FBXL12: variants seen among roughly 807,000 people sequenced by gnomAD.
FBXL12 encodes F-box and leucine rich repeat protein 12, also known as F-box/LRR-repeat protein 12.
A neutral mutation model predicts 24.9 loss-of-function variants in FBXL12; 22 were observed. The ratio of observed to expected loss-of-function variants is 0.88; its 90% CI spans 0.63 to 1.26. FBXL12 has a LOEUF of 1.26. Among genes scored for constraint, FBXL12 ranks in the 50% most tolerant of loss-of-function variants. The probability of loss-of-function intolerance (pLI) is 0.00; values close to 1 mark genes in which losing one functional copy is unlikely to be tolerated. For missense variants in FBXL12, 384 were observed against 434.1 expected (o/e 0.88, Z 1.03); for synonymous variants, 193 against 193.8 (o/e 1.00, Z 0.03).
chr19:9,810,630 G>C lies in FBXL12; in HGVS notation c.*266C>G, dbSNP rs989301902. 1 of 359,938 alleles carries C rather than the reference G, an allele frequency of 2.8e-6. No homozygotes were observed. Among genetic ancestry groups the C allele is most frequent in the African/African-American group, 2.0e-5 (1 of 49,178 alleles). The allele number at this position is 359,938 out of a possible 1,614,324, so 22.3% of individuals were successfully genotyped here. A position where few individuals can be genotyped will look rare whatever the true frequency, so the allele number is the denominator to read the frequency against. On this transcript the variant is annotated 3_prime_UTR_variant, in exon 3 of 3. Transcript: ENST00000247977. ...GGAGGCTGGGAGCTTTTAGAGTAAG[G>C]CTTTGCAATGTAACCGTGAGGTAGC... is the stretch of plus-strand genomic sequence containing the variant.
intron 2 of FBXL12, chr19:9,813,240 T>C: frequency 8.1e-7 from 1 of 1,231,480 alleles, no homozygotes; most frequent in Non-Finnish European, 1.0e-6. Flanking sequence ...CATCTGCCTT[T>C]TATTGCTGGA....
intron 2 of FBXL12, among the ~76,000 whole-genome samples, chr19:9,816,617 A>C (rs1432655974): frequency 6.6e-6 from 1 of 152,196 alleles, no homozygotes; most frequent in Non-Finnish European, 1.5e-5. Flanking sequence ...TACCACTATC[A>C]GCATTTTGGG....
chr19:9,810,424 G>A lies in FBXL12; in HGVS notation c.*472C>T, dbSNP rs539683271. ...CATCGCCTATCTCTCCGCGTCTCTT[G>A]CGTGCGTGTAGGTATATAAATGGTG... On this transcript the variant is annotated 3_prime_UTR_variant, in exon 3 of 3. Transcript: ENST00000247977. The A allele has an allele frequency of 6.4e-6, 1 of 155,726 alleles. No individual in the cohort carries two copies. The highest frequency in any genetic ancestry group is 1.4e-5 in the Non-Finnish European group (1 of 70,594). 9.6% of individuals were successfully genotyped at this position (155,726 alleles called of 1,614,324 possible).
At chr19:9,812,522 C>T (rs2045776658) in intron 2 of FBXL12, among the ~76,000 whole-genome samples, 1 of 109,868 alleles carries the variant, frequency 9.1e-6, no homozygotes, top group Non-Finnish European at 1.7e-5. Context: ...TAGAGTGAGA[C>T]TCTGTCTCAA....
chr19:9,810,872 G>A lies in FBXL12; in HGVS notation c.*24C>T. The A allele has an allele frequency of 6.5e-7, 1 of 1,539,372 alleles. No homozygotes were observed. The highest frequency in any genetic ancestry group is 1.2e-5 in the South Asian group (1 of 83,304). On this transcript the variant is annotated 3_prime_UTR_variant, in exon 3 of 3. Transcript: ENST00000247977. ...GGGGCTCAATGATGAAAACTGGGAT[G>A]GGTCCCAAGGGCAGGTGGAGTAGTT...
intron 2 of FBXL12, among the ~76,000 whole-genome samples, chr19:9,815,992 C>T (rs1475079159): frequency 1.3e-5 from 2 of 152,194 alleles, no homozygotes; most frequent in African/African-American, 4.8e-5. Flanking sequence ...AGGCTCAAGA[C>T]CATGTGGAAG....
rs1568344859 is a variant in FBXL12 at position 9,813,300 on chromosome 19, A to G, written c.160-1583T>C. On this transcript the variant is annotated intron_variant, in intron 2 of 2. Coordinates refer to ENST00000247977, the MANE Select transcript of FBXL12 (RefSeq NM_017703.3). ...CTAATGGAAAAAGGAAAATTGTCTA[A>G]TAACATATTCTTTATGTGTGCTTAC... is the stretch of plus-strand genomic sequence containing the variant. 3.3e-6 allele frequency: 4 copies of G among 1,207,486 alleles called. No homozygotes were observed. The East Asian group carries it at 9.5e-5, about 29-fold the overall frequency. The allele number at this position is 1,207,486 out of a possible 1,614,324, so 74.8% of individuals were successfully genotyped here. A position where few individuals can be genotyped will look rare whatever the true frequency, so the allele number is the denominator to read the frequency against.
rs946755891 is a variant in FBXL12, at chr19:9,811,636, A to C, written c.241T>G (p.Phe81Val). Residue 81 changes from phenylalanine to valine, a missense_variant, in exon 3 of 3, where the codon TTC (phenylalanine) becomes GTC (valine). Phe to Val is a conservative substitution (Grantham distance 50). Coordinates refer to ENST00000247977, the MANE Select transcript of FBXL12 (RefSeq NM_017703.3). The surrounding 1 kb of genome is among the most constrained non-coding windows in gnomAD (Gnocchi z 6.0). ...LHSLRMGGYL[F>V]SGSQAPQLSP... ...AACTGGGGGGCCTGGGAGCCAGAGA[A>C]CAGGTAGCCACCCATCCGCAGGGAA... 1.4e-5 allele frequency: 21 copies of C among 1,530,068 alleles called. No individual in the cohort carries two copies. Among genetic ancestry groups the C allele is most frequent in the Non-Finnish European group, 1.8e-5 (21 of 1,138,274 alleles). The allele number at this position is 1,530,068 out of a possible 1,614,324, so 94.8% of individuals were successfully genotyped here. A position where few individuals can be genotyped will look rare whatever the true frequency, so the allele number is the denominator to read the frequency against.
intron 2 of FBXL12, among the ~76,000 whole-genome samples, chr19:9,815,643 C>T (rs1435871523): frequency 6.6e-5 from 10 of 150,952 alleles, no homozygotes; most frequent in Admixed American, 6.6e-4. Flanking sequence ...GCAGAGGTTC[C>T]TAAACTTCAA....
intron 2 of FBXL12, among the ~76,000 whole-genome samples, chr19:9,813,665 C>A (rs2045812948): frequency 6.6e-6 from 1 of 151,994 alleles, no homozygotes. Context: ...CCATGCCCGG[C>A]TATGTTTTTT....
rs761705778 is a variant in FBXL12, at chr19:9,811,089, AG to A, written c.787del (p.Leu263SerfsTer93). The A allele has an allele frequency of 1.7e-5, 27 of 1,610,132 alleles. No individual in the cohort carries two copies. The highest frequency in any genetic ancestry group is 2.2e-5 in the Non-Finnish European group (26 of 1,177,042). Reference protein sequence around the residue: ...ALESLCLQGPLVTPEMPSPTE... With the variant: ...ALESLCLQGPXVTPEMPSPTE... ...GGGGGAGGGCATTTCTGGGGTGACG[AG>A]GGGACCCTGCAGGCACAGACTCTCC... On this transcript the variant is annotated frameshift_variant, in exon 3 of 3. Transcript: ENST00000247977. LOFTEE classifies it high-confidence loss of function. The surrounding 1 kb of genome is among the most constrained non-coding windows in gnomAD (Gnocchi z 6.0).
In FBXL12 at chr19:9,811,687, G is replaced by A. The variant is rs745981556; in HGVS notation, c.190C>T (p.Arg64Ter). 6.6e-6 allele frequency: 10 copies of A among 1,513,478 alleles called. No homozygotes were observed. Among genetic ancestry groups the A allele is most frequent in the Non-Finnish European group, 8.8e-6 (10 of 1,131,476 alleles). 93.8% of individuals were successfully genotyped at this position (1,513,478 alleles called of 1,614,324 possible). ...TGGAGCCGGGATGCCATGTACCTTC[G>A]AAGGAGGTGCCACATGACTTTAGGT... ...MRPKVMWHLL[R>*]RYMASRLHSL... The change falls in exon 3 of 3, where the codon CGA (arginine) becomes TGA (stop). Residue 64 changes from arginine (R) to a stop codon, truncating the protein, a stop_gained. Coordinates refer to ENST00000247977, the MANE Select transcript of FBXL12 (RefSeq NM_017703.3). LOFTEE classifies it high-confidence loss of function. The surrounding 1 kb of genome is among the most constrained non-coding windows in gnomAD (Gnocchi z 6.0).
At chr19:9,815,099 T>C (rs1333010649) in intron 2 of FBXL12, among the ~76,000 whole-genome samples, 1 of 152,140 alleles carries the variant, frequency 6.6e-6, no homozygotes, top group African/African-American at 2.4e-5. Context: ...AATCAAAAGC[T>C]AGCTAGTTAC....
At chr19:9,814,094 A>G in intron 2 of FBXL12, 1 of 161,784 alleles carries the variant, frequency 6.2e-6, no homozygotes, top group Non-Finnish European at 1.3e-5. Flanking sequence ...GCTGATAAAA[A>G]CATACCTGAG....
At chr19:9,814,751 C>A (rs1164513477) in intron 2 of FBXL12, 1 of 151,616 alleles carries the variant, frequency 6.6e-6, no homozygotes, top group African/African-American at 2.4e-5. Context: ...AAATGGAAAC[C>A]CCTGATAAAC....
chr19:9,818,751 T>A lies in FBXL12; in HGVS notation c.63A>T (p.Val21=), dbSNP rs1360334093. Residue 21 remains valine (V), a synonymous_variant, in exon 1 of 3, where the codon GTA becomes GTT. Transcript: ENST00000247977. The stretch of plus-strand genomic sequence containing the variant: ...ACCTGGAGATGCGGATCCGGTCCCG[T>A]ACCGGGAGGTAAGAGAAGATCTCGA... ...VLLEIFSYLP[V]RDRIRISRVC... is the part of the protein sequence containing the mutation. 1 of 1,552,490 alleles carries A rather than the reference T, an allele frequency of 6.4e-7. No homozygotes were observed. Among genetic ancestry groups the A allele is most frequent in the East Asian group, 2.4e-5 (1 of 41,778 alleles).
Position 9,811,451 on chromosome 19 carries a change from G to A in FBXL12, c.426C>T (p.His142=). 1 of 1,613,866 alleles carries A rather than the reference G, an allele frequency of 6.2e-7. No individual in the cohort carries two copies. Among genetic ancestry groups the A allele is most frequent in the Non-Finnish European group, 8.5e-7 (1 of 1,179,996 alleles). Reference sequence around the variant, plus strand: ...GCAGCACGGTGGGGTCCTGCTGCTTGTGGAGCCAGGCCATGGAGATCTCGC... The same window carrying A: ...GCAGCACGGTGGGGTCCTGCTGCTTATGGAGCCAGGCCATGGAGATCTCGC... ...HSCEISMAWL[H]KQQDPTVLPL... The change falls in exon 3 of 3, where the codon CAC becomes CAT. Residue 142 remains histidine (H), a synonymous_variant. Transcript: ENST00000247977. This position sits in a 1 kb window ranked among gnomAD's most constrained non-coding sequence, Gnocchi z 6.0.
Position 9,811,861 on chromosome 19 carries a change from G to A in FBXL12, c.160-144C>T. On this transcript the variant is annotated intron_variant, in intron 2 of 2. Coordinates refer to ENST00000247977, the MANE Select transcript of FBXL12 (RefSeq NM_017703.3). This position sits in a 1 kb window ranked among gnomAD's most constrained non-coding sequence, Gnocchi z 6.0. ...CCTTGCCTAGCCAGTCTCCTCCCCA[G>A]GTTCAACCTCCCCAGGTTCAACCAG... 2 of 580,454 alleles carry A rather than the reference G, an allele frequency of 3.4e-6. No homozygotes were observed. Among genetic ancestry groups the A allele is most frequent in the South Asian group, 4.2e-5 (1 of 24,074 alleles). The allele number at this position is 580,454 out of a possible 1,614,324, so 36.0% of individuals were successfully genotyped here. A position where few individuals can be genotyped will look rare whatever the true frequency, so the allele number is the denominator to read the frequency against.
intron 2 of FBXL12, chr19:9,813,347 T>G: frequency 2.2e-6 from 2 of 929,800 alleles, no homozygotes; most frequent in Non-Finnish European, 2.8e-6. Context: ...TTTTCTTTTC[T>G]TTTTTTTTGA....
Sources: gnomAD v4.1 joint callset for allele counts (sites outside exome capture counted in the v4.1 genomes callset) on GRCh38, gnomAD v4.1.1 for gene constraint, Gnocchi (gnomAD v3.1) non-coding constraint, MANE v1.5 for transcripts, NCBI Gene and HGNC (gene_info 2026-07-23, HGNC 2026-07-21) for gene names.